Variants in SGCZ observed in about 807,000 individuals in gnomAD.
The protein encoded by SGCZ is zeta-sarcoglycan.
Under a neutral mutation model 41.3 loss-of-function variants are expected in SGCZ, and 40 were observed. The observed-to-expected ratio is 0.97, with a 90% confidence interval of 0.75 to 1.26. The LOEUF (loss-of-function observed/expected upper bound fraction) is 1.26. Among genes scored for constraint, SGCZ ranks in the 50% most tolerant of loss-of-function variants. The pLI, the probability that SGCZ is intolerant of heterozygous loss-of-function variation, is 0.00. For synonymous variants in SGCZ, 206 were observed against 137.5 expected (o/e 1.50, Z -3.49); for missense variants, 552 against 369.8 (o/e 1.49, Z -4.04).
intron 2 of SGCZ, among the ~76,000 whole-genome samples, chr8:14,328,621 CATGTT>C (rs1173200222): frequency 1.3e-5 from 2 of 152,070 alleles, no homozygotes; most frequent in African/African-American, 4.8e-5. Context: ...TATAAAAACT[CATGTT>C]ATTTTAAGAG....
intron 2 of SGCZ, among the ~76,000 whole-genome samples, chr8:14,495,315 T>C (rs1801958554): frequency 6.6e-6 from 1 of 152,214 alleles, no homozygotes; most frequent in African/African-American, 2.4e-5. Flanking sequence ...ACATTACTTC[T>C]TTCATTGAGT....
intron 1 of SGCZ, among the ~76,000 whole-genome samples, chr8:14,919,491 A>T (rs190070499): frequency 6.6e-6 from 1 of 152,308 alleles, no homozygotes; most frequent in Admixed American, 6.5e-5. Flanking sequence ...AATTTGATAC[A>T]TATTGTTCTT....
intron 1 of SGCZ, among the ~76,000 whole-genome samples, chr8:14,851,384 AAAAAAAG>A (rs1486031096): frequency 1.1e-4 from 16 of 142,828 alleles, no homozygotes; most frequent in South Asian, 2.1e-4. Context: ...AAAAAAAAAA[AAAAAAAG>A]AAAAAAAGAA....
At chr8:14,511,851 G>A (rs929996928) in intron 2 of SGCZ, among the ~76,000 whole-genome samples, 12 of 152,048 alleles carry the variant, frequency 7.9e-5, no homozygotes, top group African/African-American at 2.9e-4. Flanking sequence ...ACTCTTAAAG[G>A]ACAGGGTATC....
intron 3 of SGCZ, among the ~76,000 whole-genome samples, chr8:14,300,548 T>G (rs995671298): frequency 1.3e-5 from 2 of 152,014 alleles, no homozygotes; most frequent in Admixed American, 6.6e-5. Flanking sequence ...AAAAATTTTT[T>G]AATAGTATAT....
intron 1 of SGCZ, among the ~76,000 whole-genome samples, chr8:15,182,838 G>A (rs746739345): frequency 6.6e-6 from 1 of 152,230 alleles, no homozygotes; most frequent in South Asian, 2.1e-4. Flanking sequence ...CTTTTCGGCT[G>A]TTGTAATAAC....
chr8:14,108,001 C>CT (rs200249206), intron 6 of SGCZ, among the ~76,000 whole-genome samples, 162 bp downstream of exon 6: 2,871 of 151,250 alleles, frequency 0.019, 34 homozygotes, highest in Middle Eastern at 0.086. Context: ...TTTGCCTTTT[C>CT]TTTTTTTTTC....
chr8:14,925,135 G>C (rs550652187), intron 1 of SGCZ, among the ~76,000 whole-genome samples: 1 of 152,126 alleles, frequency 6.6e-6, no homozygotes, highest in South Asian at 2.1e-4. Context: ...TGGGATTATA[G>C]GCGTGAGGCA....
intron 1 of SGCZ, among the ~76,000 whole-genome samples, chr8:15,016,770 G>C (rs1252269843): frequency 6.6e-6 from 1 of 152,124 alleles, no homozygotes; most frequent in Non-Finnish European, 1.5e-5. Flanking sequence ...AGTTCTGCAG[G>C]CTGTATAAGC....
intron 1 of SGCZ, among the ~76,000 whole-genome samples, chr8:14,610,372 G>T (rs1237948109): frequency 6.6e-6 from 1 of 152,158 alleles, no homozygotes; most frequent in Non-Finnish European, 1.5e-5. Context: ...GAACTGAGAG[G>T]ATTCTGCACA....
chr8:14,131,168 G>A lies in SGCZ; in HGVS notation c.548-22933C>T, dbSNP rs142651044. On this transcript the variant is annotated intron_variant, in intron 5 of 7. Transcript: ENST00000382080. ...CTTGATTTCCTTGGAATGAAGCAACGAATCTCTAGTATTAACCCAGACAAA... is the reference window on the plus strand; with the variant it reads ...CTTGATTTCCTTGGAATGAAGCAACAAATCTCTAGTATTAACCCAGACAAA... Among the ~76,000 whole-genome samples, 794 of 152,196 alleles carry A rather than the reference G, an allele frequency of 5.2e-3. 1 individual carries two copies. The highest frequency in any genetic ancestry group is 7.2e-3 in the Non-Finnish European group (491 of 68,014).
chr8:14,731,353 G>T (rs1489390902), intron 1 of SGCZ, among the ~76,000 whole-genome samples: 2 of 151,632 alleles, frequency 1.3e-5, no homozygotes, highest in Admixed American at 1.3e-4. Flanking sequence ...TGTGGACACA[G>T]GGAGGGGAAC....
intron 1 of SGCZ, among the ~76,000 whole-genome samples, chr8:15,018,122 T>C (rs988683365): frequency 3.9e-5 from 6 of 152,114 alleles, no homozygotes; most frequent in Non-Finnish European, 2.9e-5. Context: ...AAGTTAATTA[T>C]ACATATTCTA....
At chr8:14,933,905 C>T (rs908204766) in intron 1 of SGCZ, among the ~76,000 whole-genome samples, 4 of 151,878 alleles carry the variant, frequency 2.6e-5, no homozygotes, top group Non-Finnish European at 5.9e-5. Context: ...ATTAAAAACA[C>T]ACAGGGACAA....
intron 1 of SGCZ, among the ~76,000 whole-genome samples, chr8:15,129,767 T>C (rs2116970273): frequency 6.7e-6 from 1 of 148,378 alleles, no homozygotes; most frequent in Middle Eastern, 3.5e-3. Context: ...ACACACAGAT[T>C]AAATGGAACT....
At chr8:15,028,814 G>T (rs1026684649) in intron 1 of SGCZ, among the ~76,000 whole-genome samples, 1 of 152,018 alleles carries the variant, frequency 6.6e-6, no homozygotes, top group African/African-American at 2.4e-5. Context: ...CCTTATAAAG[G>T]ACTAAAATGA....
At position 14,613,563 on chromosome 8, in the gene SGCZ, C is replaced by A. The variant is rs138013709; in HGVS notation, c.40-58637G>T. On this transcript the variant is annotated intron_variant, in intron 1 of 7. Coordinates refer to ENST00000382080, the MANE Select transcript of SGCZ (RefSeq NM_139167.4). Reference sequence around the variant, plus strand: ...CTTGTATAACAAGAGCTGATAAATTCTTTCTTCCTATGCTCAATCATTAAA... The same window carrying A: ...CTTGTATAACAAGAGCTGATAAATTATTTCTTCCTATGCTCAATCATTAAA... Among the ~76,000 whole-genome samples, 116 of 152,208 alleles carry A rather than the reference C, an allele frequency of 7.6e-4. No homozygotes were observed. The East Asian group carries it at 0.021, about 28-fold the overall frequency.
chr8:14,978,470 C>CAA (rs59543494), intron 1 of SGCZ, among the ~76,000 whole-genome samples: 804 of 62,816 alleles, frequency 0.013, 162 homozygotes, highest in South Asian at 0.015. Context: ...GACACCGTCA[C>CAA]AAAAAAAAAA....
At chr8:15,151,001 T>C (rs1317471175) in intron 1 of SGCZ, among the ~76,000 whole-genome samples, 1 of 152,250 alleles carries the variant, frequency 6.6e-6, no homozygotes, top group African/African-American at 2.4e-5. Flanking sequence ...TTATGGGCAC[T>C]AAGTGGTGGA....
Sources: gnomAD v4.1 joint callset for allele counts (sites outside exome capture counted in the v4.1 genomes callset) on GRCh38, gnomAD v4.1.1 for gene constraint, MANE v1.5 for transcripts, NCBI Gene and HGNC (gene_info 2026-07-23, HGNC 2026-07-21) for gene names.